The following ARHGAP25 variants were observed in gnomAD, a reference collection of about 807,000 sequenced individuals.
ARHGAP25 encodes Rho GTPase activating protein 25.
A neutral mutation model predicts 71.0 loss-of-function variants in ARHGAP25; 34 were observed. The ratio of observed to expected loss-of-function variants is 0.48; its 90% confidence interval spans 0.36 to 0.64. The LOEUF (loss-of-function observed/expected upper bound fraction) is 0.64. ARHGAP25 is among the 30% of genes least tolerant of loss of function. ARHGAP25 has a pLI of 0.00. For synonymous variants in ARHGAP25, 282 were observed against 296.5 expected (o/e 0.95, Z 0.50); for missense variants, 706 against 805.1 (o/e 0.88, Z 1.49).
At chr2:68,728,306 G>T (rs998513783) in intron 2 of ARHGAP25, among the ~76,000 whole-genome samples, 10 of 152,076 alleles carry the variant, frequency 6.6e-5, no homozygotes, top group African/African-American at 2.4e-4. Flanking sequence ...CACTAGAATG[G>T]CTAAAATAAA....
At chr2:68,795,296 TTTC>T (rs1487170564) in intron 4 of ARHGAP25, among the ~76,000 whole-genome samples, 2 of 152,152 alleles carry the variant, frequency 1.3e-5, no homozygotes, top group African/African-American at 4.8e-5. Flanking sequence ...TGTTATTTCT[TTTC>T]TTCTGCTTAT....
chr2:68,810,164 C>G (rs1205040422), intron 5 of ARHGAP25, among the ~76,000 whole-genome samples: 2 of 150,858 alleles, frequency 1.3e-5, no homozygotes, highest in East Asian at 1.9e-4. Context: ...TTTAAGGGTG[C>G]TCTATTGGGT....
intron 1 of ARHGAP25, among the ~76,000 whole-genome samples, chr2:68,738,428 T>C (rs1349809447): frequency 6.6e-6 from 1 of 152,092 alleles, no homozygotes; most frequent in Non-Finnish European, 1.5e-5. Context: ...GTGAACTGAT[T>C]TGTGTTTGTT....
At chr2:68,769,153 A>G (rs976395477) in intron 1 of ARHGAP25, among the ~76,000 whole-genome samples, 1 of 152,016 alleles carries the variant, frequency 6.6e-6, no homozygotes, top group Admixed American at 6.6e-5. Flanking sequence ...TTGCACCTGG[A>G]ATATTGTGCA....
chr2:68,774,838 C>T (rs1014332506), intron 1 of ARHGAP25: 2 of 1,182,294 alleles, frequency 1.7e-6, no homozygotes, highest in African/African-American at 3.2e-5. Flanking sequence ...TCTCCTCTCT[C>T]TTGTCAGATA....
intron 4 of ARHGAP25, among the ~76,000 whole-genome samples, chr2:68,800,035 C>T (rs955440013): frequency 1.3e-5 from 2 of 152,136 alleles, no homozygotes; most frequent in Non-Finnish European, 2.9e-5. Context: ...CCCCAAGCTC[C>T]GAAAGAAAGG....
intron 1 of ARHGAP25, among the ~76,000 whole-genome samples, chr2:68,738,098 A>T (rs1301016799): frequency 6.6e-6 from 1 of 152,194 alleles, no homozygotes; most frequent in Non-Finnish European, 1.5e-5. Context: ...TGCAGAACAA[A>T]CAGTCTTGAC....
At chr2:68,754,981 C>G (rs1411826116) in intron 1 of ARHGAP25, among the ~76,000 whole-genome samples, 2 of 152,106 alleles carry the variant, frequency 1.3e-5, no homozygotes, top group African/African-American at 4.8e-5. Context: ...ATGTGGCTTG[C>G]TTTTCACTCT....
At chr2:68,792,289 A>G (rs1465337791) in intron 4 of ARHGAP25, among the ~76,000 whole-genome samples, 2 of 152,226 alleles carry the variant, frequency 1.3e-5, no homozygotes, top group African/African-American at 4.8e-5. Flanking sequence ...TTTATGGAGT[A>G]CAGGTGCAAA....
At chr2:68,768,361 G>A (rs988799705) in intron 1 of ARHGAP25, among the ~76,000 whole-genome samples, 10 of 152,280 alleles carry the variant, frequency 6.6e-5, no homozygotes, top group South Asian at 2.1e-4. Flanking sequence ...CAGAAATCCC[G>A]CCAATAGGTA....
chr2:68,744,269 A>G (rs897669261), intron 1 of ARHGAP25, among the ~76,000 whole-genome samples: 3 of 152,058 alleles, frequency 2.0e-5, no homozygotes, highest in Admixed American at 2.0e-4. Flanking sequence ...TATTTTTTCC[A>G]ACTCTATCTC....
Position 68,784,424 on chromosome 2 carries a change from G to A in ARHGAP25, c.349+2104G>A, listed in dbSNP as rs746518573. ...GTGTAAGAAATGGGCTTCCCAGATAGGATCCTCTCTCTGTGATCACCAGTT... is the reference window on the plus strand; with the variant it reads ...GTGTAAGAAATGGGCTTCCCAGATAAGATCCTCTCTCTGTGATCACCAGTT... On this transcript the variant is annotated intron_variant, in intron 3 of 10. Transcript: ENST00000409202. Among the ~76,000 whole-genome samples, 6 of 152,074 alleles carry A rather than the reference G, an allele frequency of 3.9e-5. 1 individual carries two copies. Among genetic ancestry groups the A allele is most frequent in the Non-Finnish European group, 8.8e-5 (6 of 68,020 alleles).
At chr2:68,818,861 T>A (rs1483520726) in intron 8 of ARHGAP25, among the ~76,000 whole-genome samples, 1 of 152,246 alleles carries the variant, frequency 6.6e-6, no homozygotes, top group African/African-American at 2.4e-5. Flanking sequence ...ACTTTCCTGA[T>A]CAAAAACTAA....
intron 1 of ARHGAP25, among the ~76,000 whole-genome samples, chr2:68,738,406 A>G (rs535164014): frequency 2.0e-5 from 3 of 152,276 alleles, no homozygotes; most frequent in South Asian, 2.1e-4. Context: ...TCCTGAAACT[A>G]TATAGCCCAT....
chr2:68,715,326 T>C (rs147956981), intron 2 of ARHGAP25, among the ~76,000 whole-genome samples: 122 of 152,016 alleles, frequency 8.0e-4, no homozygotes, highest in Non-Finnish European at 1.3e-3. Flanking sequence ...TAACAAATTC[T>C]CCAGGCCATT....
chr2:68,747,333 G>T (rs996699686), intron 1 of ARHGAP25, among the ~76,000 whole-genome samples: 2 of 152,150 alleles, frequency 1.3e-5, no homozygotes, highest in East Asian at 3.9e-4. Flanking sequence ...CACATCATTC[G>T]TGGAGCCTAG....
chr2:68,823,863 T>C (rs1460141546), intron 10 of ARHGAP25, among the ~76,000 whole-genome samples: 3 of 152,216 alleles, frequency 2.0e-5, no homozygotes, highest in Non-Finnish European at 2.9e-5. Flanking sequence ...CTTGGGTAGA[T>C]AGAGTATTTT....
intron 8 of ARHGAP25, among the ~76,000 whole-genome samples, chr2:68,818,605 G>C (rs1342150202): frequency 6.6e-6 from 1 of 152,250 alleles, no homozygotes; most frequent in Admixed American, 6.5e-5. Context: ...TGGGATTACA[G>C]GCGTGAGCCG....
chr2:68,712,602 G>A (rs1490256799), intron 2 of ARHGAP25, among the ~76,000 whole-genome samples: 1 of 152,172 alleles, frequency 6.6e-6, no homozygotes, highest in East Asian at 1.9e-4. Flanking sequence ...GTCCTGAATG[G>A]TATTGCCTAG....
Sources: gnomAD v4.1 joint callset for allele counts (sites outside exome capture counted in the v4.1 genomes callset) on GRCh38, gnomAD v4.1.1 for gene constraint, MANE v1.5 for transcripts, NCBI Gene and HGNC (gene_info 2026-07-23, HGNC 2026-07-21) for gene names.